LZTFL1: variants seen among roughly 807,000 people sequenced by gnomAD.
LZTFL1 encodes the protein leucine zipper transcription factor like 1.
In LZTFL1, 25 loss-of-function variants were observed where a neutral mutation model predicts 45.9. That is an observed-to-expected ratio of 0.54 (90% CI 0.40 to 0.76). LZTFL1 has a LOEUF of 0.76. LZTFL1 is among the 30% of genes least tolerant of loss of function. LZTFL1 has a pLI of 0.00. For synonymous variants in LZTFL1, 93 were observed against 117.4 expected, an observed-to-expected ratio of 0.79 and a Z score of 1.35; for missense variants, 277 against 331.1, an observed-to-expected ratio of 0.84 and a Z score of 1.27.
At chr3:45,894,978 G>T (rs1702307684) in intron 2 of LZTFL1, 1 of 1,612,534 alleles carries the variant, frequency 6.2e-7, no homozygotes, top group East Asian at 2.2e-5. Context: ...TGCTCCTCTG[G>T]CTCCTCAAAA....
At position 45,842,110 on chromosome 3, in the gene LZTFL1, A is replaced by G; in HGVS notation, c.-119T>C. On this transcript the variant is annotated 5_prime_UTR_variant, in exon 1 of 10. Transcript: ENST00000296135. ...AATGGGGAAGGAGGGTAGGTTGTTTAGAAGCCTCTGGTTGCTAACGGAAAC... is the reference window on the plus strand; with the variant it reads ...AATGGGGAAGGAGGGTAGGTTGTTTGGAAGCCTCTGGTTGCTAACGGAAAC... The G allele has an allele frequency of 6.5e-7, 1 of 1,546,476 alleles. No individual in the cohort carries two copies.
At chr3:45,828,761 G>T in intron 7 of LZTFL1, 146 bp from the exon 8 acceptor site, 5 of 692,060 alleles carry the variant, frequency 7.2e-6, no homozygotes, top group Non-Finnish European at 1.2e-5. Context: ...CTAGGTAAGT[G>T]CCAGCCCCTT....
chr3:45,826,538 C>A (rs1219657894), intron 9 of LZTFL1, among the ~76,000 whole-genome samples: 1 of 152,174 alleles, frequency 6.6e-6, no homozygotes, highest in Non-Finnish European at 1.5e-5. Context: ...TGCTAAGGCT[C>A]CAAGTCTGTA....
rs1325418394 is a variant in LZTFL1 at position 45,890,291 on chromosome 3, A to AAT, written c.-215+22827_-215+22828dup. On this transcript the variant is annotated intron_variant, in intron 2 of 4. Coordinates refer to the LZTFL1 transcript ENST00000472635. ...TATAACATATATATATATTTATATAAATATATATATAACATATATATATAT... is the reference window on the plus strand; with the variant it reads ...TATAACATATATATATATTTATATAAATATATATATATAACATATATATATAT... Among the ~76,000 whole-genome samples the AAT allele has an allele frequency of 2.6e-3, 305 of 116,692 alleles. 7 individuals carry two copies. Among genetic ancestry groups the AAT allele is most frequent in the South Asian group, 0.011 (44 of 4,156 alleles). 76.6% of individuals were successfully genotyped at this position (116,692 alleles called of 152,430 possible).
intron 2 of LZTFL1, among the ~76,000 whole-genome samples, chr3:45,868,177 A>ATG (rs1701609037): frequency 2.0e-5 from 2 of 97,694 alleles, no homozygotes; most frequent in African/African-American, 7.0e-5. Context: ...TATAATAAAA[A>ATG]TATATATATA....
chr3:45,882,719 T>C (rs9868455), intron 2 of LZTFL1, among the ~76,000 whole-genome samples: 43,968 of 151,862 alleles, frequency 0.29, 7,084 homozygotes, highest in African/African-American at 0.42. Context: ...TGTGGATTGC[T>C]GTTTCTAGTC....
chr3:45,837,867 A>G, intron 2 of LZTFL1, 60 bp downstream of exon 2: 2 of 1,525,484 alleles, frequency 1.3e-6, no homozygotes, highest in Non-Finnish European at 1.8e-6. Flanking sequence ...GCACCCCCAT[A>G]CTGGCTACCA....
At position 45,825,967 on chromosome 3, in the gene LZTFL1, G is replaced by A. The variant is rs1337373854; in HGVS notation, c.*347C>T. The stretch of plus-strand genomic sequence containing the variant: ...GAATGCATAAGTACAAACATTGTTA[G>A]CTTATTTAACATTTATTAAAAATAC... On this transcript the variant is annotated 3_prime_UTR_variant, in exon 10 of 10. Coordinates refer to ENST00000296135, the MANE Select transcript of LZTFL1 (RefSeq NM_020347.4). The A allele has an allele frequency of 7.6e-5, 17 of 224,816 alleles. No homozygotes were observed. The highest frequency in any genetic ancestry group is 1.2e-4 in the Non-Finnish European group (14 of 116,468). The allele number at this position is 224,816 out of a possible 1,614,324, so 13.9% of individuals were successfully genotyped here.
chr3:45,836,584 G>A (rs1700972480), intron 2 of LZTFL1, among the ~76,000 whole-genome samples: 1 of 152,296 alleles, frequency 6.6e-6, no homozygotes, highest in African/African-American at 2.4e-5. Flanking sequence ...GTAACCAGAA[G>A]GTGGAGGTTG....
intron 4 of LZTFL1, among the ~76,000 whole-genome samples, chr3:45,850,289 G>C (rs1421759657): frequency 5.9e-5 from 9 of 152,204 alleles, no homozygotes; most frequent in Non-Finnish European, 1.3e-4. Flanking sequence ...TGGAGGCTAA[G>C]TGAATGTAGG....
intron 9 of LZTFL1, among the ~76,000 whole-genome samples, chr3:45,826,914 C>T (rs768394966): frequency 2.0e-5 from 3 of 152,226 alleles, no homozygotes; most frequent in Non-Finnish European, 4.4e-5. Flanking sequence ...ATGTAGAACA[C>T]GGACTTCTAA....
At chr3:45,869,751 T>G (rs1354265060) in intron 2 of LZTFL1, among the ~76,000 whole-genome samples, 1 of 152,082 alleles carries the variant, frequency 6.6e-6, no homozygotes, top group Non-Finnish European at 1.5e-5. Context: ...CTTATTGAAA[T>G]AAAAAGAAAT....
At chr3:45,905,706 T>C (rs1180216249) in intron 2 of LZTFL1, among the ~76,000 whole-genome samples, 1 of 152,196 alleles carries the variant, frequency 6.6e-6, no homozygotes, top group Non-Finnish European at 1.5e-5. Flanking sequence ...CTCAGCCCGA[T>C]GGTGGCACTC....
chr3:45,846,408 G>C (rs1701218006), upstream of LZTFL1, among the ~76,000 whole-genome samples: 1 of 151,936 alleles, frequency 6.6e-6, no homozygotes, highest in Non-Finnish European at 1.5e-5. Flanking sequence ...AATATTTTGA[G>C]CCCAAGCATT....
chr3:45,856,393 A>T (rs1701394296), intron 3 of LZTFL1, among the ~76,000 whole-genome samples: 3 of 152,214 alleles, frequency 2.0e-5, no homozygotes, highest in Admixed American at 2.0e-4. Context: ...CTCAAGATGG[A>T]TTAAAGACTT....
chr3:45,911,899 G>A (rs549572800), intron 2 of LZTFL1, among the ~76,000 whole-genome samples: 45 of 152,338 alleles, frequency 3.0e-4, no homozygotes, highest in African/African-American at 9.9e-4. Flanking sequence ...ATTAGTTTTC[G>A]CATTTTAAAA....
chr3:45,877,543 C>T (rs1701768865), intron 2 of LZTFL1, among the ~76,000 whole-genome samples: 1 of 151,822 alleles, frequency 6.6e-6, no homozygotes, highest in Non-Finnish European at 1.5e-5. Flanking sequence ...CACAAAGCAC[C>T]TCCTTTTGCT....
intron 2 of LZTFL1, among the ~76,000 whole-genome samples, chr3:45,867,835 C>A (rs185364849): frequency 6.6e-6 from 1 of 152,202 alleles, no homozygotes; most frequent in Non-Finnish European, 1.5e-5. Context: ...CAGAGCAAGA[C>A]CCTGTCTCAA....
upstream of LZTFL1, among the ~76,000 whole-genome samples, chr3:45,842,680 CA>C (rs903723728): frequency 6.6e-6 from 1 of 152,080 alleles, no homozygotes; most frequent in Non-Finnish European, 1.5e-5. Flanking sequence ...AAAAAAAATG[CA>C]AAAAGCATGG....
Sources: allele counts gnomAD v4.1 joint callset (sites outside exome capture counted in the v4.1 genomes callset), GRCh38; gene constraint gnomAD v4.1.1; transcripts MANE v1.5; gene names NCBI Gene and HGNC (gene_info 2026-07-23, HGNC 2026-07-21).